Variants in CDH7 observed in about 807,000 individuals in gnomAD.
The protein encoded by CDH7 is cadherin 7, also known as cadherin-7.
Under a neutral mutation model 71.8 loss-of-function variants are expected in CDH7, and 25 were observed. That is an observed-to-expected ratio of 0.35 (90% CI 0.25 to 0.49). The LOEUF (loss-of-function observed/expected upper bound fraction) is 0.49. CDH7 is among the 20% of genes least tolerant of loss of function. The probability of loss-of-function intolerance (pLI) is 0.99; values close to 1 mark genes in which losing one functional copy is unlikely to be tolerated. For missense variants in CDH7, 862 were observed against 974.6 expected (o/e 0.88, Z 1.54); for synonymous variants, 381 against 363.8 (o/e 1.05, Z -0.54).
intron 2 of CDH7, among the ~76,000 whole-genome samples, chr18:65,770,947 G>A (rs1391324023): frequency 3.3e-5 from 5 of 152,090 alleles, no homozygotes; most frequent in Admixed American, 6.6e-5. Flanking sequence ...CTTTCTCATC[G>A]TTCTGGCTGA....
At chr18:65,851,696 A>G (rs1396046170) in intron 7 of CDH7, among the ~76,000 whole-genome samples, 2 of 152,222 alleles carry the variant, frequency 1.3e-5, no homozygotes, top group African/African-American at 4.8e-5. Context: ...ATGAAAACTC[A>G]TTTTAAAAAA....
At chr18:65,829,591 C>T (rs761304150) in intron 6 of CDH7, among the ~76,000 whole-genome samples, 6 of 151,846 alleles carry the variant, frequency 4.0e-5, no homozygotes, top group Non-Finnish European at 7.4e-5. Flanking sequence ...TGGAGAGCAA[C>T]GTAAAGTTTT....
At chr18:65,775,019 C>A (rs546113208) in intron 2 of CDH7, among the ~76,000 whole-genome samples, 1 of 152,164 alleles carries the variant, frequency 6.6e-6, no homozygotes, top group Non-Finnish European at 1.5e-5. Flanking sequence ...AAGATCCAGA[C>A]AGGAAATGAG....
At chr18:65,763,535 G>C (rs1916265030) in intron 2 of CDH7, among the ~76,000 whole-genome samples, 1 of 151,530 alleles carries the variant, frequency 6.6e-6, no homozygotes, top group Non-Finnish European at 1.5e-5. Context: ...TGACCCTAAT[G>C]TTTCTAAATT....
intron 1 of CDH7, among the ~76,000 whole-genome samples, chr18:65,752,151 T>C (rs2143764200): frequency 6.6e-6 from 1 of 152,354 alleles, no homozygotes; most frequent in South Asian, 2.1e-4. Context: ...GTAAGACTTG[T>C]CCTCATAATT....
chr18:65,816,215 A>G (rs1440831820), intron 4 of CDH7, among the ~76,000 whole-genome samples: 1 of 152,100 alleles, frequency 6.6e-6, no homozygotes, highest in Non-Finnish European at 1.5e-5. Flanking sequence ...TGCTGTAATT[A>G]TGGTAATCGC....
intron 2 of CDH7, among the ~76,000 whole-genome samples, chr18:65,806,152 T>G (rs1004350071): frequency 2.6e-5 from 4 of 151,978 alleles, no homozygotes; most frequent in Non-Finnish European, 5.9e-5. Context: ...TGATTGATAT[T>G]TCTTACATAT....
chr18:65,883,241 A>C lies in CDH7; in HGVS notation c.*2347A>C, dbSNP rs1047176345. ...GTGGTATTTTTTAATTAAAAAAATT[A>C]ATTTAAAAAATTAATTTTTGAGATG... is the stretch of plus-strand genomic sequence containing the variant. On this transcript the variant is annotated 3_prime_UTR_variant, in exon 12 of 12. Coordinates refer to ENST00000397968, the MANE Select transcript of CDH7 (RefSeq NM_004361.5). 10 of 152,036 alleles carry C rather than the reference A, an allele frequency of 6.6e-5. No homozygotes were observed. Among genetic ancestry groups the C allele is most frequent in the Non-Finnish European group, 1.5e-4 (10 of 67,954 alleles). 9.4% of individuals were successfully genotyped at this position (152,036 alleles called of 1,614,324 possible).
In CDH7 at chr18:65,780,075, T is replaced by C. The variant is rs1166948867; in HGVS notation, c.210+17023T>C. On this transcript the variant is annotated intron_variant, in intron 2 of 11. Coordinates refer to ENST00000397968, the MANE Select transcript of CDH7 (RefSeq NM_004361.5). ...GCCAGTGATGATGAGCATTTCTTCATGTGTTTTTTGGCTGCATAAATGTCT... is the reference window on the plus strand; with the variant it reads ...GCCAGTGATGATGAGCATTTCTTCACGTGTTTTTTGGCTGCATAAATGTCT... 1.9e-5 allele frequency among the ~76,000 whole-genome samples: 2 copies of C among 106,926 alleles called. 1 individual carries two copies. The highest frequency in any genetic ancestry group is 3.4e-5 in the Non-Finnish European group (2 of 58,374). The allele number at this position is 106,926 out of a possible 152,430, so 70.1% of individuals were successfully genotyped here.
chr18:65,829,810 G>GTA (rs1912273814), intron 6 of CDH7, among the ~76,000 whole-genome samples: 1 of 150,460 alleles, frequency 6.6e-6, no homozygotes. Context: ...GTGTGTGTGT[G>GTA]TGTGTGTATT....
intron 2 of CDH7, among the ~76,000 whole-genome samples, chr18:65,788,182 A>C (rs1362941313): frequency 6.6e-6 from 1 of 152,208 alleles, no homozygotes; most frequent in Non-Finnish European, 1.5e-5. Flanking sequence ...CTCTGGACAC[A>C]GGACTGGTTG....
intron 2 of CDH7, among the ~76,000 whole-genome samples, chr18:65,787,421 T>C (rs565220592): frequency 1.3e-5 from 2 of 152,280 alleles, no homozygotes; most frequent in South Asian, 4.2e-4. Flanking sequence ...TTATTGAGCG[T>C]TTGCCACTTA....
chr18:65,804,080 A>G (rs1032914003), intron 2 of CDH7, among the ~76,000 whole-genome samples: 16 of 152,138 alleles, frequency 1.1e-4, no homozygotes, highest in African/African-American at 3.9e-4. Flanking sequence ...AGTTTCGTTT[A>G]TTAGTGTTAA....
chr18:65,874,723 A>G (rs113416999), intron 11 of CDH7, among the ~76,000 whole-genome samples: 32 of 151,742 alleles, frequency 2.1e-4, no homozygotes, highest in African/African-American at 7.0e-4. Context: ...TTATATATGC[A>G]TATATAAATG....
chr18:65,765,439 T>C (rs1396809978), intron 2 of CDH7, among the ~76,000 whole-genome samples: 1 of 150,702 alleles, frequency 6.6e-6, no homozygotes, highest in Non-Finnish European at 1.5e-5. Context: ...CTTGGGTAAA[T>C]AGACACATTT....
chr18:65,861,629 G>A (rs1273825019), intron 10 of CDH7, among the ~76,000 whole-genome samples: 2 of 152,008 alleles, frequency 1.3e-5, no homozygotes, highest in Admixed American at 6.6e-5. Flanking sequence ...AAATCAAACT[G>A]TTTTATTACT....
chr18:65,788,652 A>G (rs568719431), intron 2 of CDH7, among the ~76,000 whole-genome samples: 1 of 152,330 alleles, frequency 6.6e-6, no homozygotes, highest in Admixed American at 6.5e-5. Flanking sequence ...CACCTCGTGG[A>G]CCAGATAGAG....
In CDH7 at chr18:65,823,869, A is replaced by C. The variant is rs117364241; in HGVS notation, c.794-775A>C. 5.5e-3 allele frequency among the ~76,000 whole-genome samples: 839 copies of C among 152,038 alleles called. 8 individuals are homozygous for C. Among genetic ancestry groups the C allele is most frequent in the Non-Finnish European group, 9.2e-3 (627 of 67,828 alleles). Reference sequence around the variant, plus strand: ...GAAAAAGTAAATAATTAGAGAAAAAATAATGAAGGAATATAGCATGCTGCG... The same window carrying C: ...GAAAAAGTAAATAATTAGAGAAAAACTAATGAAGGAATATAGCATGCTGCG... On this transcript the variant is annotated intron_variant, in intron 5 of 11. Transcript: ENST00000397968.
At chr18:65,757,139 A>G (rs1451636198) in intron 1 of CDH7, among the ~76,000 whole-genome samples, 1 of 152,108 alleles carries the variant, frequency 6.6e-6, no homozygotes, top group African/African-American at 2.4e-5. Flanking sequence ...TGATCTGTTA[A>G]AAGTGGTTTC....
Sources: gnomAD v4.1 joint callset for allele counts (sites outside exome capture counted in the v4.1 genomes callset) on GRCh38, gnomAD v4.1.1 for gene constraint, MANE v1.5 for transcripts, NCBI Gene and HGNC (gene_info 2026-07-23, HGNC 2026-07-21) for gene names.